The following FRMD6 variants were observed in gnomAD, a reference collection of about 807,000 sequenced individuals.
FRMD6 encodes the protein FERM domain-containing protein 6.
Under a neutral mutation model 73.2 loss-of-function variants are expected in FRMD6, and 37 were observed. That is an observed-to-expected ratio of 0.51 (90% CI 0.39 to 0.66). The LOEUF (loss-of-function observed/expected upper bound fraction) is 0.66, where lower values mean the gene tolerates loss of function less well. Among genes scored for constraint, FRMD6 ranks in the 30% least tolerant of loss-of-function variants. The pLI is 0.00. For synonymous variants in FRMD6, 273 were observed against 282.2 expected (o/e 0.97, Z 0.33); for missense variants, 714 against 780.5 (o/e 0.91, Z 1.02).
At chr14:51,450,426 C>G in the FRMD6 span, among the ~76,000 whole-genome samples, 1 of 152,152 alleles carries the variant, frequency 6.6e-6, no homozygotes. Context: ...AAGTTGGTCT[C>G]TAAACCATCA....
intron 2 of FRMD6, among the ~76,000 whole-genome samples, chr14:51,624,493 T>C (rs1348581437): frequency 1.3e-5 from 2 of 152,218 alleles, no homozygotes; most frequent in African/African-American, 4.8e-5. Flanking sequence ...CACTCTTCAA[T>C]TTCTGAACTA....
intron 1 of FRMD6, among the ~76,000 whole-genome samples, chr14:51,522,142 T>A (rs1884987516): frequency 6.6e-6 from 1 of 152,204 alleles, no homozygotes; most frequent in Non-Finnish European, 1.5e-5. Flanking sequence ...ATTTGTTTTT[T>A]AGCAGAATTT....
At chr14:51,437,363 C>T in the FRMD6 span, among the ~76,000 whole-genome samples, 3 of 151,502 alleles carry the variant, frequency 2.0e-5, no homozygotes, top group Admixed American at 1.3e-4. Context: ...AGTGCAGTGG[C>T]GCGATCTCGG....
chr14:51,422,631 G>A, the FRMD6 span, among the ~76,000 whole-genome samples: 1 of 152,166 alleles, frequency 6.6e-6, no homozygotes, highest in Non-Finnish European at 1.5e-5. Context: ...CAATAAAATT[G>A]ATTAGTAAGG....
the FRMD6 span, among the ~76,000 whole-genome samples, chr14:51,447,001 G>A: frequency 6.6e-6 from 1 of 152,164 alleles, no homozygotes; most frequent in African/African-American, 2.4e-5. Flanking sequence ...ATGGCTGTGA[G>A]GAAGTACTGA....
upstream of FRMD6, among the ~76,000 whole-genome samples, chr14:51,648,956 C>A (rs1379065086): frequency 6.6e-6 from 1 of 152,118 alleles, no homozygotes; most frequent in Non-Finnish European, 1.5e-5. Flanking sequence ...AAAAACATCT[C>A]ATCATATTAG....
At chr14:51,684,629 T>G (rs1895027305) in intron 1 of FRMD6, among the ~76,000 whole-genome samples, 1 of 152,138 alleles carries the variant, frequency 6.6e-6, no homozygotes, top group African/African-American at 2.4e-5. Flanking sequence ...TGAGGGCATT[T>G]GGGATTGTTA....
At chr14:51,483,809 G>A in the FRMD6 span, among the ~76,000 whole-genome samples, 1 of 152,176 alleles carries the variant, frequency 6.6e-6, no homozygotes, top group Admixed American at 6.5e-5. Flanking sequence ...GAAAATGAAA[G>A]GTAATGAACA....
chr14:51,621,053 G>T (rs1890907775), intron 2 of FRMD6, among the ~76,000 whole-genome samples: 1 of 152,162 alleles, frequency 6.6e-6, no homozygotes, highest in African/African-American at 2.4e-5. Flanking sequence ...TTCCAGGGCT[G>T]ATGTATAATT....
At chr14:51,411,536 T>TG in the FRMD6 span, among the ~76,000 whole-genome samples, 3 of 152,220 alleles carry the variant, frequency 2.0e-5, no homozygotes, top group Non-Finnish European at 1.5e-5. Context: ...GCAGCCCACT[T>TG]GTAACCATTG....
At chr14:51,482,901 A>C in the FRMD6 span, among the ~76,000 whole-genome samples, 1 of 151,860 alleles carries the variant, frequency 6.6e-6, no homozygotes, top group Non-Finnish European at 1.5e-5. Context: ...GGGGGGTTTC[A>C]CTATGTCGGC....
intron 1 of FRMD6, among the ~76,000 whole-genome samples, chr14:51,512,475 T>C (rs1372580729): frequency 6.6e-6 from 1 of 152,152 alleles, no homozygotes; most frequent in African/African-American, 2.4e-5. Context: ...TGCAAATCAT[T>C]GTATCCCCAG....
chr14:51,702,997 C>T (rs566383715), intron 5 of FRMD6, among the ~76,000 whole-genome samples: 2 of 152,116 alleles, frequency 1.3e-5, no homozygotes, highest in South Asian at 2.1e-4. Flanking sequence ...GGGAGTGGGT[C>T]AGAGGCAGGA....
the FRMD6 span, among the ~76,000 whole-genome samples, chr14:51,421,380 C>T: frequency 1.2e-4 from 18 of 152,254 alleles, no homozygotes; most frequent in East Asian, 2.7e-3. Flanking sequence ...AGACTCAGTC[C>T]TAAGGCCAAG....
the FRMD6 span, among the ~76,000 whole-genome samples, chr14:51,451,778 CT>C: frequency 6.6e-6 from 1 of 152,250 alleles, no homozygotes; most frequent in Non-Finnish European, 1.5e-5. Context: ...TCCACTTTTC[CT>C]TTTGCCATGA....
intron 13 of FRMD6, among the ~76,000 whole-genome samples, chr14:51,727,296 G>A (rs1284608606): frequency 6.8e-6 from 1 of 146,626 alleles, no homozygotes; most frequent in Non-Finnish European, 1.5e-5. Flanking sequence ...GGTCTGAATT[G>A]CCATATCCTA....
intron 1 of FRMD6, among the ~76,000 whole-genome samples, chr14:51,525,039 AAGAGAG>A (rs760690162): frequency 4.9e-5 from 7 of 143,412 alleles, no homozygotes; most frequent in Non-Finnish European, 9.1e-5. Context: ...GATGGAGAGA[AAGAGAG>A]AGAGAGAGAG....
rs777525624 is a variant in FRMD6, at chr14:51,698,128, T to G, written c.100-14T>G. 2.5e-6 allele frequency: 4 copies of G among 1,581,100 alleles called. No homozygotes were observed. Among genetic ancestry groups the G allele is most frequent in the South Asian group, 1.1e-5 (1 of 88,772 alleles). ...TTGAATTGTTATTTTACGTCGTGCC[T>G]TTTTCCCCTACAGGTTAAGATTCTG... On this transcript the variant is annotated splice_polypyrimidine_tract_variant and intron_variant, in intron 2 of 13. Coordinates refer to ENST00000344768, the MANE Select transcript of FRMD6 (RefSeq NM_001267046.2).
At chr14:51,596,315 G>A (rs1432771304) in intron 2 of FRMD6, among the ~76,000 whole-genome samples, 2 of 151,060 alleles carry the variant, frequency 1.3e-5, no homozygotes, top group Admixed American at 6.6e-5. Flanking sequence ...AATCTGATAC[G>A]TAGCCAGAAT....
Sources: gnomAD v4.1 joint callset for allele counts (sites outside exome capture counted in the v4.1 genomes callset) on GRCh38, gnomAD v4.1.1 for gene constraint, MANE v1.5 for transcripts, NCBI Gene and HGNC (gene_info 2026-07-23, HGNC 2026-07-21) for gene names.